The following CRKL variants were observed in gnomAD, a reference collection of about 807,000 sequenced individuals.
CRKL encodes crk-like protein.
CRKL carries 3 observed loss-of-function variants against 23.0 expected under a neutral mutation model. The ratio of observed to expected loss-of-function variants is 0.13; its 90% CI spans 0.06 to 0.34. The LOEUF (loss-of-function observed/expected upper bound fraction) is 0.34. Ranked by LOEUF, CRKL falls within the 10% of genes least tolerant of loss-of-function variation. CRKL has a pLI of 1.00. For missense variants in CRKL, 256 were observed against 394.5 expected (o/e 0.65, Z 2.97); for synonymous variants, 188 against 160.7 (o/e 1.17, Z -1.28).
intron 2 of CRKL, among the ~76,000 whole-genome samples, chr22:20,947,140 CTCTG>C (rs1490255286): frequency 7.7e-6 from 1 of 129,164 alleles, no homozygotes; most frequent in Non-Finnish European, 1.7e-5. Context: ...TCCAGGTTCC[CTCTG>C]TCTAAGCAGT....
At chr22:20,939,672 C>T (rs1921792451) in intron 2 of CRKL, among the ~76,000 whole-genome samples, 1 of 83,976 alleles carries the variant, frequency 1.2e-5, no homozygotes, top group Non-Finnish European at 2.6e-5. Flanking sequence ...TTTGCCTAGC[C>T]CAGTGTGTGG....
intron 1 of CRKL, among the ~76,000 whole-genome samples, chr22:20,933,036 C>T (rs766860041): frequency 1.5e-4 from 23 of 151,016 alleles, no homozygotes; most frequent in Admixed American, 9.3e-4. Flanking sequence ...ACTGAAATTG[C>T]GCTACTGCAC....
intron 1 of CRKL, among the ~76,000 whole-genome samples, chr22:20,919,243 G>C (rs1484808754): frequency 2.0e-5 from 3 of 152,000 alleles, no homozygotes; most frequent in Non-Finnish European, 2.9e-5. Flanking sequence ...AAGGTGCATT[G>C]GCTTCAGCGA....
intron 1 of CRKL, among the ~76,000 whole-genome samples, chr22:20,921,003 G>C (rs1187817701): frequency 1.3e-5 from 2 of 152,140 alleles, no homozygotes; most frequent in Non-Finnish European, 2.9e-5. Flanking sequence ...AGTTTACTTT[G>C]TTATACTGAA....
At chr22:20,927,111 CAAAA>C (rs371278201) in intron 1 of CRKL, among the ~76,000 whole-genome samples, 43 of 48,510 alleles carry the variant, frequency 8.9e-4, no homozygotes, top group South Asian at 4.9e-3. Flanking sequence ...GACTCCGTCT[CAAAA>C]AAAAAAAAAA....
chr22:20,945,114 C>T (rs1922011922), intron 2 of CRKL, among the ~76,000 whole-genome samples: 1 of 152,074 alleles, frequency 6.6e-6, no homozygotes, highest in Non-Finnish European at 1.5e-5. Flanking sequence ...CTGACTCAGC[C>T]TCCCAAGTAG....
At position 20,941,533 on chromosome 22, in the gene CRKL, A is replaced by ATG. The variant is rs1366602124; in HGVS notation, c.777+7290_777+7291insGT. 2.8e-4 allele frequency among the ~76,000 whole-genome samples: 27 copies of ATG among 97,722 alleles called. No homozygotes were observed. In the South Asian group the frequency reaches 4.1e-3, roughly 15 times the overall value. 64.1% of individuals were successfully genotyped at this position (97,722 alleles called of 152,430 possible). On this transcript the variant is annotated intron_variant, in intron 2 of 2. Transcript: ENST00000354336. ...TTTGTGTATGTGTATATATATATAT[A>ATG]TTTTATGTGTGTGTGTGTGTGTGTG...
In CRKL at chr22:20,951,800, A is replaced by G; in HGVS notation, c.*1955A>G. 1 of 220,902 alleles carries G rather than the reference A, an allele frequency of 4.5e-6. No individual in the cohort carries two copies. The highest frequency in any genetic ancestry group is 9.1e-6 in the Non-Finnish European group (1 of 110,352). The allele number at this position is 220,902 out of a possible 1,614,324, so 13.7% of individuals were successfully genotyped here. On this transcript the variant is annotated 3_prime_UTR_variant, in exon 3 of 3. Transcript: ENST00000354336. ...CATGAATCTTGAGAGTGTTCCTGAG[A>G]CAGAATTAATGGTCATTTGGGAAAA...
intron 2 of CRKL, among the ~76,000 whole-genome samples, chr22:20,942,689 C>T (rs933791181): frequency 2.0e-5 from 3 of 152,014 alleles, no homozygotes; most frequent in African/African-American, 4.8e-5. Flanking sequence ...GGCACCATCT[C>T]GGCTCACTGC....
rs57573660 is a variant in CRKL at position 20,950,761 on chromosome 22, G to A, written c.*916G>A. 7,090 of 224,938 alleles carry A rather than the reference G, an allele frequency of 0.032. 167 individuals are homozygous for A. Among genetic ancestry groups the A allele is most frequent in the Middle Eastern group, 0.069 (50 of 726 alleles). 13.9% of individuals were successfully genotyped at this position (224,938 alleles called of 1,614,324 possible). On this transcript the variant is annotated 3_prime_UTR_variant, in exon 3 of 3. Transcript: ENST00000354336. ...GTTAAGTAGCAGGTTGGGTTTTTAT[G>A]ATAGTGCAAGGAATGACTCATGCCT... is the stretch of plus-strand genomic sequence containing the variant.
chr22:20,950,138 C>G lies in CRKL; in HGVS notation c.*293C>G. On this transcript the variant is annotated 3_prime_UTR_variant, in exon 3 of 3. Coordinates refer to ENST00000354336, the MANE Select transcript of CRKL (RefSeq NM_005207.4). ...AGTTGACATGGAAAGGGTCTTCCTT[C>G]TCATTGCTGCCCGTTTGTACATGGG... is the stretch of plus-strand genomic sequence containing the variant. The G allele has an allele frequency of 2.7e-6, 1 of 372,878 alleles. No individual in the cohort carries two copies. The highest frequency in any genetic ancestry group is 4.8e-6 in the Non-Finnish European group (1 of 208,620). 23.1% of individuals were successfully genotyped at this position (372,878 alleles called of 1,614,324 possible).
At chr22:20,923,280 AAT>A (rs1921057668) in intron 1 of CRKL, among the ~76,000 whole-genome samples, 1 of 151,562 alleles carries the variant, frequency 6.6e-6, no homozygotes. Flanking sequence ...CTAAAAAAAA[AAT>A]TTTTTTTTTT....
At chr22:20,939,580 G>T (rs1310612781) in intron 2 of CRKL, among the ~76,000 whole-genome samples, 1 of 151,806 alleles carries the variant, frequency 6.6e-6, no homozygotes, top group African/African-American at 2.4e-5. Context: ...GTCTCATGTT[G>T]TATGGCTGTG....
At chr22:20,918,972 A>AC (rs1375146731) in intron 1 of CRKL, among the ~76,000 whole-genome samples, 1 of 22,476 alleles carries the variant, frequency 4.4e-5, no homozygotes, top group African/African-American at 1.6e-4. Context: ...CCCCACCCCC[A>AC]CCCCTCCCCG....
chr22:20,918,134 C>A lies in CRKL; in HGVS notation c.200C>A (p.Pro67His), dbSNP rs2147891828. 6.2e-7 allele frequency: 1 copy of A among 1,614,180 alleles called. No individual in the cohort carries two copies. Among genetic ancestry groups the A allele is most frequent in the East Asian group, 2.2e-5 (1 of 44,880 alleles). Residue 67 changes from proline to histidine, a missense_variant, in exon 1 of 3, where the codon CCC becomes CAC. By Grantham distance (77) the Pro-to-His change is moderately conservative. Coordinates refer to ENST00000354336, the MANE Select transcript of CRKL (RefSeq NM_005207.4). ...RVSHYIINSL[P>H]NRRFKIGDQE... The stretch of plus-strand genomic sequence containing the variant: ...TCCCACTACATCATCAACTCGCTGC[C>A]CAACCGCCGTTTTAAGATCGGGGAC...
At position 20,952,449 on chromosome 22, in the gene CRKL, C is replaced by T. The variant is rs1029260099; in HGVS notation, c.*2604C>T. 1 of 231,090 alleles carries T rather than the reference C, an allele frequency of 4.3e-6. No individual in the cohort carries two copies. The highest frequency in any genetic ancestry group is 8.6e-6 in the Non-Finnish European group (1 of 116,604). 14.3% of individuals were successfully genotyped at this position (231,090 alleles called of 1,614,324 possible). The stretch of plus-strand genomic sequence containing the variant: ...ACAAGGCGAGCTTGAGTTCTGCACT[C>T]CAGATATGTGCCAAAACTAGTAAAA... On this transcript the variant is annotated 3_prime_UTR_variant, in exon 3 of 3. Coordinates refer to ENST00000354336, the MANE Select transcript of CRKL (RefSeq NM_005207.4).
chr22:20,950,051 G>T lies in CRKL; in HGVS notation c.*206G>T. 1 of 572,872 alleles carries T rather than the reference G, an allele frequency of 1.7e-6. No homozygotes were observed. Among genetic ancestry groups the T allele is most frequent in the Non-Finnish European group, 2.9e-6 (1 of 346,508 alleles). 35.5% of individuals were successfully genotyped at this position (572,872 alleles called of 1,614,324 possible). On this transcript the variant is annotated 3_prime_UTR_variant, in exon 3 of 3. Transcript: ENST00000354336. ...ATAGTCGTATTGTCAAAGAGTAGCC[G>T]ATTTTAGAGTTCTTTTGGATCATAA...
At chr22:20,939,562 G>A (rs1921789070) in intron 2 of CRKL, among the ~76,000 whole-genome samples, 1 of 151,810 alleles carries the variant, frequency 6.6e-6, no homozygotes, top group African/African-American at 2.4e-5. Flanking sequence ...AGTTTCATGA[G>A]GTGGTCTGTC....
rs556156777 is a variant in CRKL, at chr22:20,932,847, C to T, written c.312-932C>T. Among the ~76,000 whole-genome samples the T allele has an allele frequency of 1.1e-4, 16 of 151,980 alleles. No individual in the cohort carries two copies. In the East Asian group the frequency reaches 2.1e-3, roughly 20 times the overall value. On this transcript the variant is annotated intron_variant, in intron 1 of 2. Coordinates refer to ENST00000354336, the MANE Select transcript of CRKL (RefSeq NM_005207.4). Reference sequence around the variant, plus strand: ...ATGACAGCACTTTGGGAGGCTGAGGCGGGTGGATCACATGAGGCCAGCAGG... The same window carrying T: ...ATGACAGCACTTTGGGAGGCTGAGGTGGGTGGATCACATGAGGCCAGCAGG...
Sources: gnomAD v4.1 joint callset for allele counts (sites outside exome capture counted in the v4.1 genomes callset) on GRCh38, gnomAD v4.1.1 for gene constraint, MANE v1.5 for transcripts, NCBI Gene and HGNC (gene_info 2026-07-23, HGNC 2026-07-21) for gene names.